The following RNF169 variants were observed in gnomAD, a reference collection of about 807,000 sequenced individuals.
The protein encoded by RNF169 is E3 ubiquitin-protein ligase RNF169.
A neutral mutation model predicts 53.9 loss-of-function variants in RNF169; 24 were observed. That is an observed-to-expected ratio of 0.45 (90% CI 0.32 to 0.63). The LOEUF is 0.63. RNF169 is among the 20% of genes least tolerant of loss of function. The pLI is 0.04. For synonymous variants in RNF169, 396 were observed against 363.5 expected (o/e 1.09, Z -1.02); for missense variants, 883 against 906.2 (o/e 0.97, Z 0.33).
At chr11:74,752,247 AAAAAAG>A (rs1424875360) in intron 1 of RNF169, among the ~76,000 whole-genome samples, 1 of 150,412 alleles carries the variant, frequency 6.6e-6, no homozygotes, top group African/African-American at 2.4e-5. Flanking sequence ...AAAAAAAAAA[AAAAAAG>A]GGAAAAAAAA....
intron 2 of RNF169, among the ~76,000 whole-genome samples, chr11:74,803,092 CTT>C (rs1209310960): frequency 5.3e-5 from 7 of 131,634 alleles, no homozygotes; most frequent in Admixed American, 7.6e-5. Flanking sequence ...GGCTAATTTT[CTT>C]TTTTTTTTTT....
At chr11:74,829,776 A>G (rs746471133) in intron 4 of RNF169, among the ~76,000 whole-genome samples, 11 of 152,268 alleles carry the variant, frequency 7.2e-5, no homozygotes, top group Non-Finnish European at 1.3e-4. Context: ...TCTCATTTAT[A>G]AAGTGGGAGC....
chr11:74,776,511 CAAAAAAAAAAAA>C (rs766527055), intron 1 of RNF169, among the ~76,000 whole-genome samples: 4 of 82,030 alleles, frequency 4.9e-5, no homozygotes, highest in African/African-American at 9.2e-5. Flanking sequence ...TTCATTCAGC[CAAAAAAAAAAAA>C]AAAAAAAAAA....
At chr11:74,760,465 T>G (rs2035063595) in intron 1 of RNF169, among the ~76,000 whole-genome samples, 1 of 152,192 alleles carries the variant, frequency 6.6e-6, no homozygotes, top group African/African-American at 2.4e-5. Flanking sequence ...TAAATTTCCC[T>G]CTACAAACTG....
intron 2 of RNF169, chr11:74,807,881 A>G (rs1272752136): frequency 1.3e-5 from 2 of 152,230 alleles, no homozygotes; most frequent in East Asian, 3.8e-4. Flanking sequence ...CAAAGAAACA[A>G]AAACTTGTAC....
chr11:74,786,410 G>GT (rs1283404670), intron 1 of RNF169, among the ~76,000 whole-genome samples: 2 of 151,666 alleles, frequency 1.3e-5, no homozygotes, highest in Non-Finnish European at 2.9e-5. Flanking sequence ...TTGTTGGGGG[G>GT]TTTTTTTGTT....
chr11:74,839,504 T>C lies in RNF169; in HGVS notation c.*2774T>C, dbSNP rs1307155613. On this transcript the variant is annotated 3_prime_UTR_variant, in exon 6 of 6. Coordinates refer to ENST00000299563, the MANE Select transcript of RNF169 (RefSeq NM_001098638.2). ...GAAGGAAACAGAACGATGGGAAGGG[T>C]TTGTGAGCTAGAATAAGAGGTGCAG... 6.6e-6 allele frequency: 1 copy of C among 152,018 alleles called. No individual in the cohort carries two copies. Among genetic ancestry groups the C allele is most frequent in the Admixed American group, 6.6e-5 (1 of 15,248 alleles). 9.4% of individuals were successfully genotyped at this position (152,018 alleles called of 1,614,324 possible). A position where few individuals can be genotyped will look rare whatever the true frequency, so the allele number is the denominator to read the frequency against.
intron 1 of RNF169, among the ~76,000 whole-genome samples, chr11:74,770,486 C>A (rs959108748): frequency 5.8e-4 from 88 of 152,272 alleles, no homozygotes; most frequent in African/African-American, 2.1e-3. Flanking sequence ...AAAGATATCC[C>A]CCAAACTGTT....
chr11:74,834,527 TTAA>T, intron 4 of RNF169, 146 bp from the exon 5 acceptor site: 1 of 541,356 alleles, frequency 1.8e-6, no homozygotes, highest in South Asian at 2.6e-5. Flanking sequence ...ATGTATTTTG[TTAA>T]TAAATTAACT....
rs1255660557 is a variant in RNF169 at position 74,836,522 on chromosome 11, T to G, written c.1919T>G (p.Leu640Arg). ...GAACAAAATGGCTCCCTTAAAAAAC[T>G]GCGACAAACCAGTGGGGAGGTGGGT... Reference protein sequence around the residue: ...HLEQNGSLKKLRQTSGEVGLA... With the variant: ...HLEQNGSLKKRRQTSGEVGLA... Residue 640 changes from leucine (L) to arginine (R), a missense_variant, in exon 6 of 6, where the codon CTG becomes CGG. Physicochemically the swap from Leu to Arg is moderately radical, Grantham distance 102. Transcript: ENST00000299563. The G allele has an allele frequency of 6.2e-7, 1 of 1,614,022 alleles. No individual in the cohort carries two copies. The highest frequency in any genetic ancestry group is 8.5e-7 in the Non-Finnish European group (1 of 1,180,044).
chr11:74,783,577 A>C (rs1007603258), intron 1 of RNF169, among the ~76,000 whole-genome samples: 5 of 152,320 alleles, frequency 3.3e-5, no homozygotes, highest in African/African-American at 1.2e-4. Context: ...TTATTGCTTC[A>C]GTGCTACTAA....
intron 1 of RNF169, among the ~76,000 whole-genome samples, chr11:74,782,496 G>A (rs183616125): frequency 9.9e-5 from 15 of 152,270 alleles, no homozygotes; most frequent in African/African-American, 3.6e-4. Context: ...CTGATGATCT[G>A]AGGTGGAACA....
At position 74,818,393 on chromosome 11, in the gene RNF169, G is replaced by T. The variant is rs780876136; in HGVS notation, c.842+679G>T. 4.6e-5 allele frequency among the ~76,000 whole-genome samples: 7 copies of T among 152,118 alleles called. No homozygotes were observed. In the South Asian group the frequency reaches 1.5e-3, roughly 32 times the overall value. On this transcript the variant is annotated intron_variant, in intron 4 of 5. Transcript: ENST00000299563. ...CTCTGTTTTAATATACAGATGTAAA[G>T]ATACAATCTTTTTTTTTTAGACAGT...
At position 74,836,770 on chromosome 11, in the gene RNF169, C is replaced by A; in HGVS notation, c.*40C>A. ...TTACCTATTTTTAAAAGGTCTTAGG[C>A]CTTGATCATTTATCCTGAAGAGCTG... On this transcript the variant is annotated 3_prime_UTR_variant, in exon 6 of 6. Coordinates refer to ENST00000299563, the MANE Select transcript of RNF169 (RefSeq NM_001098638.2). 6.9e-7 allele frequency: 1 copy of A among 1,459,162 alleles called. No individual in the cohort carries two copies. The highest frequency in any genetic ancestry group is 9.3e-7 in the Non-Finnish European group (1 of 1,073,622). The allele number at this position is 1,459,162 out of a possible 1,614,324, so 90.4% of individuals were successfully genotyped here. A position where few individuals can be genotyped will look rare whatever the true frequency, so the allele number is the denominator to read the frequency against.
intron 4 of RNF169, among the ~76,000 whole-genome samples, chr11:74,833,990 A>C (rs1478158585): frequency 1.3e-5 from 2 of 152,234 alleles, no homozygotes; most frequent in South Asian, 2.1e-4. Flanking sequence ...TCTTAGAAGA[A>C]GACACTTGGG....
At chr11:74,764,570 G>C (rs2035143423) in intron 1 of RNF169, among the ~76,000 whole-genome samples, 1 of 152,138 alleles carries the variant, frequency 6.6e-6, no homozygotes, top group South Asian at 2.1e-4. Context: ...ACAGGAAAAA[G>C]AGAATTTACC....
chr11:74,770,653 GC>G (rs1297240955), intron 1 of RNF169, among the ~76,000 whole-genome samples: 2 of 152,070 alleles, frequency 1.3e-5, no homozygotes, highest in African/African-American at 4.8e-5. Flanking sequence ...TAGCCTCTTG[GC>G]TAGTGTGTTT....
At chr11:74,766,675 A>C (rs574876892) in intron 1 of RNF169, among the ~76,000 whole-genome samples, 1 of 152,314 alleles carries the variant, frequency 6.6e-6, no homozygotes, top group South Asian at 2.1e-4. Flanking sequence ...TAAGATTGCT[A>C]ATGATTGATT....
At chr11:74,820,778 G>A (rs1161545723) in intron 4 of RNF169, among the ~76,000 whole-genome samples, 1 of 152,228 alleles carries the variant, frequency 6.6e-6, no homozygotes, top group Non-Finnish European at 1.5e-5. Flanking sequence ...AGAAGCGTCA[G>A]TAATATCTCT....
Sources: allele counts gnomAD v4.1 joint callset (sites outside exome capture counted in the v4.1 genomes callset), GRCh38; gene constraint gnomAD v4.1.1; transcripts MANE v1.5; gene names NCBI Gene and HGNC (gene_info 2026-07-23, HGNC 2026-07-21).